ZFAND3: variants seen among roughly 807,000 people sequenced by gnomAD.
ZFAND3 encodes the protein zinc finger AN1-type containing 3.
In ZFAND3, 10 loss-of-function variants were observed where a neutral mutation model predicts 29.6. The ratio of observed to expected loss-of-function variants is 0.34; its 90% CI spans 0.21 to 0.57. ZFAND3 has a LOEUF of 0.57. Ranked by LOEUF, ZFAND3 falls within the 20% of genes least tolerant of loss-of-function variation. The probability of loss-of-function intolerance (pLI) is 0.86; values close to 1 mark genes in which losing one functional copy is unlikely to be tolerated. For missense variants in ZFAND3, 230 were observed against 304.5 expected (o/e 0.76, Z 1.82); for synonymous variants, 128 against 112.6 (o/e 1.14, Z -0.87).
At chr6:37,961,116 A>G (rs1762187299) in intron 2 of ZFAND3, among the ~76,000 whole-genome samples, 1 of 152,186 alleles carries the variant, frequency 6.6e-6, no homozygotes, top group Admixed American at 6.5e-5. Context: ...CTCTGATTCC[A>G]GGACTTGGCT....
At chr6:37,989,972 C>T (rs1212899643) in intron 2 of ZFAND3, among the ~76,000 whole-genome samples, 2 of 152,152 alleles carry the variant, frequency 1.3e-5, no homozygotes, top group South Asian at 2.1e-4. Context: ...GATACCATAA[C>T]GGAGACGAGC....
At chr6:37,854,673 A>G (rs1764343563) in intron 1 of ZFAND3, among the ~76,000 whole-genome samples, 1 of 151,930 alleles carries the variant, frequency 6.6e-6, no homozygotes, top group Non-Finnish European at 1.5e-5. Context: ...GGAAACAAGT[A>G]CCTTATCTGA....
intron 2 of ZFAND3, among the ~76,000 whole-genome samples, chr6:37,946,513 C>G (rs1761904576): frequency 6.6e-6 from 1 of 152,206 alleles, no homozygotes; most frequent in African/African-American, 2.4e-5. Flanking sequence ...TTCATGCACA[C>G]TGTAAAGTTA....
chr6:38,116,980 T>G (rs1646953086), intron 5 of ZFAND3, among the ~76,000 whole-genome samples: 1 of 152,156 alleles, frequency 6.6e-6, no homozygotes, highest in East Asian at 1.9e-4. Context: ...TTAATGCATA[T>G]CTCCTTAGAG....
intron 2 of ZFAND3, among the ~76,000 whole-genome samples, chr6:37,953,550 T>C (rs972578122): frequency 6.6e-6 from 1 of 150,382 alleles, no homozygotes; most frequent in African/African-American, 2.4e-5. Flanking sequence ...CCTCCTAGGC[T>C]GAAGCAATCA....
chr6:37,957,785 G>C (rs1039002584), intron 2 of ZFAND3, among the ~76,000 whole-genome samples: 2 of 152,154 alleles, frequency 1.3e-5, no homozygotes, highest in African/African-American at 4.8e-5. Flanking sequence ...TATGCTAGTT[G>C]CATACGGACC....
At chr6:37,883,043 A>G (rs565046669) in intron 1 of ZFAND3, among the ~76,000 whole-genome samples, 2 of 152,100 alleles carry the variant, frequency 1.3e-5, no homozygotes, top group Admixed American at 1.3e-4. Flanking sequence ...ACATAGTGAG[A>G]CCCCTTCTCT....
At chr6:38,120,574 C>T (rs1765514726) in intron 5 of ZFAND3, among the ~76,000 whole-genome samples, 2 of 151,936 alleles carry the variant, frequency 1.3e-5, no homozygotes, top group Admixed American at 1.3e-4. Context: ...AGTCCACCTG[C>T]CTCGGCCTCC....
chr6:37,939,475 G>A (rs1000998584), intron 2 of ZFAND3, among the ~76,000 whole-genome samples: 6 of 152,080 alleles, frequency 3.9e-5, no homozygotes, highest in Non-Finnish European at 8.8e-5. Context: ...AATTACATCT[G>A]CAGAAGCTTT....
At chr6:37,969,279 A>C (rs1038977590) in intron 2 of ZFAND3, among the ~76,000 whole-genome samples, 1 of 152,236 alleles carries the variant, frequency 6.6e-6, no homozygotes, top group African/African-American at 2.4e-5. Context: ...AGAGAAAGGT[A>C]TATAGGGGAA....
chr6:37,892,458 G>A (rs1581739469), intron 1 of ZFAND3, among the ~76,000 whole-genome samples: 1 of 152,136 alleles, frequency 6.6e-6, no homozygotes. Flanking sequence ...ATTGGATGGA[G>A]CTTAAGTAGT....
intron 2 of ZFAND3, among the ~76,000 whole-genome samples, chr6:38,022,608 G>A (rs1337440592): frequency 6.6e-6 from 1 of 152,216 alleles, no homozygotes; most frequent in Non-Finnish European, 1.5e-5. Context: ...TTTTTCAAAT[G>A]AGGAAATAGG....
At chr6:38,137,878 G>A (rs770091261) in intron 5 of ZFAND3, among the ~76,000 whole-genome samples, 23 of 152,220 alleles carry the variant, frequency 1.5e-4, no homozygotes, top group Non-Finnish European at 2.9e-4. Context: ...AGCACAGTGC[G>A]TTGCGGGAGG....
chr6:38,065,949 G>A (rs145093884), intron 3 of ZFAND3, among the ~76,000 whole-genome samples: 1 of 152,156 alleles, frequency 6.6e-6, no homozygotes, highest in East Asian at 1.9e-4. Flanking sequence ...AGTAAGATTA[G>A]GTCTTTATAA....
chr6:37,879,069 A>G (rs1005231566), intron 1 of ZFAND3, among the ~76,000 whole-genome samples: 1 of 152,182 alleles, frequency 6.6e-6, no homozygotes, highest in Non-Finnish European at 1.5e-5. Flanking sequence ...CCCAACCCGT[A>G]TGTAGTTGAG....
intron 1 of ZFAND3, among the ~76,000 whole-genome samples, chr6:37,837,932 G>C (rs1042848976): frequency 6.6e-6 from 1 of 152,004 alleles, no homozygotes; most frequent in African/African-American, 2.4e-5. Flanking sequence ...TAAATATTAC[G>C]GCAACTTGAT....
chr6:37,989,596 T>G (rs537470079), intron 2 of ZFAND3, among the ~76,000 whole-genome samples: 1 of 152,182 alleles, frequency 6.6e-6, no homozygotes, highest in Admixed American at 6.5e-5. Context: ...ATACGAATTT[T>G]GGGGGGACAC....
chr6:37,962,877 C>G (rs1461075227), intron 2 of ZFAND3, among the ~76,000 whole-genome samples: 2 of 152,232 alleles, frequency 1.3e-5, no homozygotes, highest in Admixed American at 1.3e-4. Context: ...GTAACACTTA[C>G]TGTGAATGTC....
chr6:37,891,424 C>CT (rs1229033378), intron 1 of ZFAND3, among the ~76,000 whole-genome samples: 1 of 143,820 alleles, frequency 7.0e-6, no homozygotes, highest in Non-Finnish European at 1.5e-5. Context: ...AGTCCCCCCC[C>CT]CCGCCTTTAA....
Sources: allele counts gnomAD v4.1 joint callset (sites outside exome capture counted in the v4.1 genomes callset), GRCh38; gene constraint gnomAD v4.1.1; transcripts MANE v1.5; gene names NCBI Gene and HGNC (gene_info 2026-07-23, HGNC 2026-07-21).